The following TMEM232 variants were observed in gnomAD, a reference collection of about 807,000 sequenced individuals.
TMEM232 encodes the protein transmembrane protein 232.
TMEM232 carries 80 observed loss-of-function variants against 78.8 expected under a neutral mutation model. That is an observed-to-expected ratio of 1.01 (90% CI 0.85 to 1.22). TMEM232 has a LOEUF of 1.22. TMEM232 is among the 50% of genes most tolerant of loss of function. The pLI is 0.00. For synonymous variants in TMEM232, 297 were observed against 254.3 expected, an observed-to-expected ratio of 1.17 and a Z score of -1.60; for missense variants, 881 against 742.2, an observed-to-expected ratio of 1.19 and a Z score of -2.17.
At chr5:110,518,063 T>G (rs1768935732) in intron 12 of TMEM232, among the ~76,000 whole-genome samples, 1 of 152,166 alleles carries the variant, frequency 6.6e-6, no homozygotes, top group South Asian at 2.1e-4. Context: ...TTCAACTTTA[T>G]TTCTGCTTAT....
At position 110,617,325 on chromosome 5, in the gene TMEM232, TAGAC is replaced by T. The variant is rs201954726; in HGVS notation, c.902+1100_902+1103del. Among the ~76,000 whole-genome samples the T allele has an allele frequency of 9.7e-3, 1,479 of 152,210 alleles. 32 individuals are homozygous for T. Among genetic ancestry groups the T allele is most frequent in the African/African-American group, 0.033 (1,380 of 41,540 alleles). On this transcript the variant is annotated intron_variant, in intron 8 of 13. Transcript: ENST00000455884. ...CAGTCAAAGAGTGCAAAGTTTCAGT[TAGAC>T]AGGAGGAATGAGTTCTAGTGATCTA...
chr5:110,688,228 T>C (rs1189794933), intron 1 of TMEM232, among the ~76,000 whole-genome samples: 1 of 152,148 alleles, frequency 6.6e-6, no homozygotes, highest in Non-Finnish European at 1.5e-5. Context: ...ACCATATAGA[T>C]ACATAGAGAC....
intron 1 of TMEM232, among the ~76,000 whole-genome samples, chr5:110,674,176 A>G (rs1791735169): frequency 6.6e-6 from 1 of 152,166 alleles, no homozygotes; most frequent in Admixed American, 6.5e-5. Flanking sequence ...CAAAGTAAAA[A>G]TTCATCATTT....
At position 110,660,461 on chromosome 5, in the gene TMEM232, A is replaced by G. The variant is rs115638404; in HGVS notation, c.125+6767T>C. Reference sequence around the variant, plus strand: ...AAAATCTTACAGCAGGCAAATGATAAACAAGTCCAGAAAGGAGGCCTAAGA... The same window carrying G: ...AAAATCTTACAGCAGGCAAATGATAGACAAGTCCAGAAAGGAGGCCTAAGA... On this transcript the variant is annotated intron_variant, in intron 2 of 13. Transcript: ENST00000455884. 6.7e-3 allele frequency among the ~76,000 whole-genome samples: 1,024 copies of G among 152,214 alleles called. 13 individuals carry two copies. The highest frequency in any genetic ancestry group is 0.023 in the African/African-American group (970 of 41,568).
At chr5:110,410,144 G>A (rs1048315882) in intron 2 of TMEM232, among the ~76,000 whole-genome samples, 5 of 152,196 alleles carry the variant, frequency 3.3e-5, no homozygotes, top group African/African-American at 4.8e-5. Context: ...CTAGAATACA[G>A]CCTGCTTTCC....
intron 1 of TMEM232, among the ~76,000 whole-genome samples, chr5:110,690,527 G>A (rs1315496586): frequency 1.3e-5 from 2 of 152,176 alleles, no homozygotes; most frequent in Non-Finnish European, 2.9e-5. Context: ...CTGTTAGTGG[G>A]AGTGTAAATT....
chr5:110,552,295 A>C (rs1415188878), intron 11 of TMEM232, among the ~76,000 whole-genome samples: 11 of 152,096 alleles, frequency 7.2e-5, no homozygotes, highest in Admixed American at 5.2e-4. Context: ...TAATAGAGGA[A>C]AAAATACAAT....
intron 12 of TMEM232, among the ~76,000 whole-genome samples, chr5:110,492,515 A>G (rs1174897431): frequency 6.6e-6 from 1 of 151,960 alleles, no homozygotes; most frequent in Non-Finnish European, 1.5e-5. Context: ...ACTAAAAACT[A>G]AAGATTACTT....
At chr5:110,402,134 C>T (rs1344502718) in intron 2 of TMEM232, among the ~76,000 whole-genome samples, 1 of 152,066 alleles carries the variant, frequency 6.6e-6, no homozygotes, top group Admixed American at 6.6e-5. Flanking sequence ...AGAAGTATCC[C>T]AGATGACTCA....
intron 6 of TMEM232, among the ~76,000 whole-genome samples, chr5:110,626,945 C>A (rs982321443): frequency 6.6e-6 from 1 of 151,952 alleles, no homozygotes; most frequent in Non-Finnish European, 1.5e-5. Context: ...GATTTCATTC[C>A]TGGAATTAGT....
At chr5:110,616,491 A>T (rs1165491717) in intron 8 of TMEM232, among the ~76,000 whole-genome samples, 1 of 152,050 alleles carries the variant, frequency 6.6e-6, no homozygotes, top group Non-Finnish European at 1.5e-5. Flanking sequence ...ATTTAAAGAA[A>T]ATATGTGCAA....
intron 2 of TMEM232, among the ~76,000 whole-genome samples, chr5:110,648,975 T>G (rs1191011245): frequency 1.3e-5 from 2 of 152,102 alleles, no homozygotes; most frequent in African/African-American, 2.4e-5. Flanking sequence ...GTTGCTGGTG[T>G]GCTGGCATGC....
At chr5:110,550,350 C>T (rs1774295647) in intron 11 of TMEM232, among the ~76,000 whole-genome samples, 1 of 152,014 alleles carries the variant, frequency 6.6e-6, no homozygotes, top group East Asian at 1.9e-4. Flanking sequence ...AAAGCTGTCC[C>T]TTATGAGACT....
intron 6 of TMEM232, 123 bp from the exon 7 acceptor site, chr5:110,625,556 C>T (rs1014529810): frequency 3.4e-6 from 3 of 872,152 alleles, no homozygotes; most frequent in Middle Eastern, 3.7e-4. Flanking sequence ...TGCTAGTTTC[C>T]TATTTAAGAT....
intron 12 of TMEM232, among the ~76,000 whole-genome samples, chr5:110,474,506 G>T (rs1449213480): frequency 6.6e-6 from 1 of 151,828 alleles, no homozygotes; most frequent in Non-Finnish European, 1.5e-5. Flanking sequence ...AATGATTCAA[G>T]AAATGTACAC....
intron 1 of TMEM232, among the ~76,000 whole-genome samples, chr5:110,737,368 G>A (rs1799287617): frequency 6.6e-6 from 1 of 151,870 alleles, no homozygotes; most frequent in South Asian, 2.1e-4. Context: ...TGTTATCCAT[G>A]CCAGAAACAT....
intron 11 of TMEM232, among the ~76,000 whole-genome samples, chr5:110,566,892 A>G (rs888869486): frequency 6.6e-6 from 1 of 151,950 alleles, no homozygotes; most frequent in Non-Finnish European, 1.5e-5. Context: ...TGGGTAATTT[A>G]TAAAGAAAAA....
Position 110,578,579 on chromosome 5 carries a change from G to A in TMEM232, c.1277-9954C>T, listed in dbSNP as rs376038164. Among the ~76,000 whole-genome samples the A allele has an allele frequency of 2.9e-3, 445 of 151,942 alleles. 3 individuals carry two copies. The highest frequency in any genetic ancestry group is 0.01 in the African/African-American group (427 of 41,516). On this transcript the variant is annotated intron_variant, in intron 10 of 13. Transcript: ENST00000455884. ...ACCTATAACTGCCTTTCTTGAAATC[G>A]TATTGGTGTTATTTCTCCTCCTCTT...
At chr5:110,583,724 T>C (rs1458279312) in intron 10 of TMEM232, among the ~76,000 whole-genome samples, 1 of 151,766 alleles carries the variant, frequency 6.6e-6, no homozygotes, top group Non-Finnish European at 1.5e-5. Context: ...GGATTATATT[T>C]GCAGACATCT....
Sources: gnomAD v4.1 joint callset for allele counts (sites outside exome capture counted in the v4.1 genomes callset) on GRCh38, gnomAD v4.1.1 for gene constraint, MANE v1.5 for transcripts, NCBI Gene and HGNC (gene_info 2026-07-23, HGNC 2026-07-21) for gene names.